NRXN3: variants seen among roughly 807,000 people sequenced by gnomAD.
NRXN3 encodes neurexin III.
NRXN3 carries 32 observed loss-of-function variants against 137.6 expected under a neutral mutation model. The ratio of observed to expected loss-of-function variants is 0.23; its 90% confidence interval spans 0.18 to 0.31. NRXN3 has a LOEUF of 0.31. Among genes scored for constraint, NRXN3 ranks in the 10% least tolerant of loss-of-function variants. The pLI, the probability that NRXN3 is intolerant of heterozygous loss-of-function variation, is 1.00. For synonymous variants in NRXN3, 798 were observed against 784.5 expected, an observed-to-expected ratio of 1.02 and a Z score of -0.29; for missense variants, 1,574 against 2,062.5, an observed-to-expected ratio of 0.76 and a Z score of 4.59.
intron 15 of NRXN3, among the ~76,000 whole-genome samples, chr14:79,333,226 T>C (rs547330112): frequency 6.6e-6 from 1 of 152,046 alleles, no homozygotes; most frequent in African/African-American, 2.4e-5. Context: ...ACTGGGGGGA[T>C]AGAGACTCTA....
chr14:79,416,522 C>T (rs2095499598), intron 15 of NRXN3, among the ~76,000 whole-genome samples: 1 of 152,030 alleles, frequency 6.6e-6, no homozygotes, highest in South Asian at 2.1e-4. Flanking sequence ...ATGACATTTT[C>T]CTGAGAATAA....
intron 15 of NRXN3, among the ~76,000 whole-genome samples, chr14:79,302,451 G>A (rs777806366): frequency 6.6e-6 from 1 of 151,946 alleles, no homozygotes; most frequent in Admixed American, 6.6e-5. Context: ...GGCAAGAGAG[G>A]AAGCAAGAGA....
chr14:79,402,166 G>T (rs922002362), intron 15 of NRXN3, among the ~76,000 whole-genome samples: 1 of 152,074 alleles, frequency 6.6e-6, no homozygotes, highest in Admixed American at 6.6e-5. Flanking sequence ...AACTCCCTGG[G>T]CTCAAGTGAT....
chr14:78,630,319 A>G (rs926421540), intron 4 of NRXN3, among the ~76,000 whole-genome samples: 54 of 152,208 alleles, frequency 3.5e-4, no homozygotes, highest in African/African-American at 1.3e-3. Flanking sequence ...AGAGTTGACT[A>G]CTTTTCTATT....
intron 10 of NRXN3, among the ~76,000 whole-genome samples, chr14:78,908,922 T>C (rs1486204370): frequency 6.6e-6 from 1 of 152,180 alleles, no homozygotes; most frequent in East Asian, 1.9e-4. Context: ...AAGCCTACTA[T>C]GGCAGACCAT....
rs534671973 is a variant in NRXN3, at chr14:79,161,768, C to T, written c.3262+173627C>T. Among the ~76,000 whole-genome samples the T allele has an allele frequency of 2.6e-5, 4 of 151,890 alleles. No homozygotes were observed. The South Asian group carries it at 8.3e-4, about 31-fold the overall frequency. On this transcript the variant is annotated intron_variant, in intron 15 of 20. Coordinates refer to ENST00000335750, the MANE Select transcript of NRXN3 (RefSeq NM_001330195.2). Reference sequence around the variant, plus strand: ...GTTTGTAGATACTTGCTTTGGGAGACAGGGAGCTGTCCGTCGTCCTGAACG... The same window carrying T: ...GTTTGTAGATACTTGCTTTGGGAGATAGGGAGCTGTCCGTCGTCCTGAACG...
At chr14:79,498,990 G>T (rs1434131725) in intron 16 of NRXN3, among the ~76,000 whole-genome samples, 1 of 152,100 alleles carries the variant, frequency 6.6e-6, no homozygotes, top group Admixed American at 6.5e-5. Flanking sequence ...TCACTATGTT[G>T]CTCAGGGTGG....
At chr14:78,268,472 A>G (rs1177307800) in intron 2 of NRXN3, among the ~76,000 whole-genome samples, 2 of 152,158 alleles carry the variant, frequency 1.3e-5, no homozygotes, top group Non-Finnish European at 2.9e-5. Context: ...ATACTTAATG[A>G]CCATCAGTTC....
chr14:78,562,328 C>T (rs374694870), intron 4 of NRXN3, among the ~76,000 whole-genome samples: 39 of 139,810 alleles, frequency 2.8e-4, no homozygotes, highest in East Asian at 9.0e-4. Context: ...ACCCAGAAGG[C>T]GGAGGTTTCA....
intron 15 of NRXN3, among the ~76,000 whole-genome samples, chr14:79,020,156 T>C (rs1305824988): frequency 1.9e-4 from 1 of 5,344 alleles, no homozygotes; most frequent in South Asian, 0.012. Flanking sequence ...TCCCTTCCCT[T>C]CCCTTCCCTT....
chr14:79,778,702 T>A (rs11159414), intron 19 of NRXN3, among the ~76,000 whole-genome samples: 39,330 of 152,022 alleles, frequency 0.26, 5,694 homozygotes, highest in Middle Eastern at 0.37. Context: ...CTGTTCAGTC[T>A]ATACGAATTT....
chr14:79,109,011 G>A (rs1320529813), intron 15 of NRXN3, among the ~76,000 whole-genome samples: 1 of 152,158 alleles, frequency 6.6e-6, no homozygotes, highest in Admixed American at 6.6e-5. Flanking sequence ...TACTGTCTAC[G>A]ATAGATAATA....
At chr14:79,168,503 A>G (rs766987499) in intron 15 of NRXN3, among the ~76,000 whole-genome samples, 1 of 151,998 alleles carries the variant, frequency 6.6e-6, no homozygotes, top group Non-Finnish European at 1.5e-5. Context: ...TGATAATTAT[A>G]TGATGTTTTT....
intron 8 of NRXN3, among the ~76,000 whole-genome samples, chr14:78,793,285 T>C (rs1445560757): frequency 6.6e-6 from 1 of 152,096 alleles, no homozygotes; most frequent in Non-Finnish European, 1.5e-5. Context: ...ATAAAGTTAC[T>C]CAGAAATGGA....
chr14:79,245,177 C>A (rs1403831054), intron 15 of NRXN3, among the ~76,000 whole-genome samples: 7 of 151,326 alleles, frequency 4.6e-5, no homozygotes, highest in Admixed American at 2.6e-4. Context: ...GTCACAGCTA[C>A]TTGACCTAAG....
intron 16 of NRXN3, among the ~76,000 whole-genome samples, chr14:79,537,835 T>C (rs2097227976): frequency 1.3e-5 from 2 of 152,224 alleles, no homozygotes; most frequent in Admixed American, 6.5e-5. Context: ...TCAAATGGTA[T>C]TTCTAGTTCA....
At chr14:78,328,074 C>T (rs533318874) in intron 4 of NRXN3, among the ~76,000 whole-genome samples, 3 of 152,128 alleles carry the variant, frequency 2.0e-5, no homozygotes, top group Non-Finnish European at 2.9e-5. Context: ...TTCTGGGAAA[C>T]GTAGTTCAGC....
chr14:79,576,674 G>C (rs1049479866), intron 16 of NRXN3, among the ~76,000 whole-genome samples: 1 of 151,940 alleles, frequency 6.6e-6, no homozygotes, highest in Non-Finnish European at 1.5e-5. Flanking sequence ...ACCATGGATC[G>C]GATTCTGACT....
intron 16 of NRXN3, among the ~76,000 whole-genome samples, chr14:79,571,695 C>T (rs746386978): frequency 6.6e-6 from 1 of 152,050 alleles, no homozygotes; most frequent in Non-Finnish European, 1.5e-5. Context: ...AGTTTGGTAA[C>T]AAAAAGTTAT....
Sources: gnomAD v4.1 joint callset for allele counts (sites outside exome capture counted in the v4.1 genomes callset) on GRCh38, gnomAD v4.1.1 for gene constraint, MANE v1.5 for transcripts, NCBI Gene and HGNC (gene_info 2026-07-23, HGNC 2026-07-21) for gene names.